The following UGT1A8 variants were observed in gnomAD, a reference collection of about 807,000 sequenced individuals.
UGT1A8 encodes the protein UDP glucuronosyltransferase family 1 member A8, also known as UDP-glucuronosyltransferase 1A8.
A neutral mutation model predicts 45.3 loss-of-function variants in UGT1A8; 39 were observed. The observed-to-expected ratio is 0.86, with a 90% CI of 0.67 to 1.12. UGT1A8 has a LOEUF of 1.12. Ranked by LOEUF, UGT1A8 falls within the 50% of genes most tolerant of loss-of-function variation. The pLI, the probability that UGT1A8 is intolerant of heterozygous loss-of-function variation, is 0.00. For synonymous variants in UGT1A8, 275 were observed against 249.2 expected, an observed-to-expected ratio of 1.10 and a Z score of -0.97; for missense variants, 719 against 664.9, an observed-to-expected ratio of 1.08 and a Z score of -0.90.
rs186005376 is a variant in UGT1A8 at position 233,690,812 on chromosome 2, C to T, written c.855+72250C>T. On this transcript the variant is annotated intron_variant, in intron 1 of 4. Coordinates refer to ENST00000373450, the MANE Select transcript of UGT1A8 (RefSeq NM_019076.5). Reference sequence around the variant, plus strand: ...ACACACACACACACCATTCTTAGTACAGTCAAAGCTCACAGGAGAAAGAAA... The same window carrying T: ...ACACACACACACACCATTCTTAGTATAGTCAAAGCTCACAGGAGAAAGAAA... 17 of 1,087,624 alleles carry T rather than the reference C, an allele frequency of 1.6e-5. No homozygotes were observed. The East Asian group carries it at 7.8e-4, about 50-fold the overall frequency. 67.4% of individuals were successfully genotyped at this position (1,087,624 alleles called of 1,614,324 possible). A position where few individuals can be genotyped will look rare whatever the true frequency, so the allele number is the denominator to read the frequency against.
At chr2:233,740,153 C>G (rs1191038998) in intron 1 of UGT1A8, among the ~76,000 whole-genome samples, 1 of 151,824 alleles carries the variant, frequency 6.6e-6, no homozygotes, top group African/African-American at 2.4e-5. Context: ...CCTGAGGCCT[C>G]CCCAGTCATG....
rs377204506 is a variant in UGT1A8 at position 233,718,901 on chromosome 2, G to C, written c.856-48133G>C. ...TCCTCAGTGTCCAGCCCTGGGCTGAGAGTGGAAAGGTGTTGGTGGTGCCCA... is the reference window on the plus strand; with the variant it reads ...TCCTCAGTGTCCAGCCCTGGGCTGACAGTGGAAAGGTGTTGGTGGTGCCCA... On this transcript the variant is annotated intron_variant, in intron 1 of 4. Transcript: ENST00000373450. 43 of 1,613,936 alleles carry C rather than the reference G, an allele frequency of 2.7e-5. No individual in the cohort carries two copies. Among genetic ancestry groups the C allele is most frequent in the Non-Finnish European group, 3.6e-5 (43 of 1,179,928 alleles).
intron 1 of UGT1A8, among the ~76,000 whole-genome samples, chr2:233,670,596 G>A (rs2074163409): frequency 6.6e-6 from 1 of 152,190 alleles, no homozygotes; most frequent in South Asian, 2.1e-4. Context: ...TGATTCAAAA[G>A]CACTCATCTC....
intron 1 of UGT1A8, among the ~76,000 whole-genome samples, chr2:233,757,479 A>G (rs1206962025): frequency 6.1e-5 from 9 of 148,148 alleles, no homozygotes; most frequent in African/African-American, 1.5e-4. Context: ...CTCCAAAACC[A>G]TGGACTGGCA....
chr2:233,744,799 C>T (rs571960868), intron 1 of UGT1A8, among the ~76,000 whole-genome samples: 2 of 151,914 alleles, frequency 1.3e-5, no homozygotes, highest in East Asian at 3.9e-4. Flanking sequence ...CTTGGGGATC[C>T]CTAGGATTTC....
chr2:233,661,683 T>TTTCTTTCTTTC (rs1559329478), intron 1 of UGT1A8, among the ~76,000 whole-genome samples: 2 of 39,388 alleles, frequency 5.1e-5, no homozygotes, highest in African/African-American at 2.4e-4. Context: ...TTCTTTCTTT[T>TTTCTTTCTTTC]TAAACAAAGG....
At chr2:233,682,492 T>A in intron 1 of UGT1A8, 1 of 1,613,970 alleles carries the variant, frequency 6.2e-7, no homozygotes, top group South Asian at 1.1e-5. Flanking sequence ...AGTGCCCTGC[T>A]CCTCTTTCCT....
chr2:233,759,624 A>G (rs1433114385), intron 1 of UGT1A8, among the ~76,000 whole-genome samples: 1 of 80,994 alleles, frequency 1.2e-5, no homozygotes, highest in Non-Finnish European at 2.2e-5. Context: ...CCACCTGTTC[A>G]TTTCCTTCTT....
chr2:233,713,283 C>G (rs764319623), intron 1 of UGT1A8: 6 of 1,614,104 alleles, frequency 3.7e-6, no homozygotes, highest in Non-Finnish European at 5.1e-6. Context: ...GGGTCACACT[C>G]AATCGTTCTT....
intron 1 of UGT1A8, chr2:233,719,437 C>T (rs1189079913): frequency 6.2e-7 from 1 of 1,613,870 alleles, no homozygotes; most frequent in East Asian, 2.2e-5. Context: ...GACCACATGA[C>T]ATTCCTGCAA....
chr2:233,697,516 A>T (rs6715829), intron 1 of UGT1A8, among the ~76,000 whole-genome samples: 54,219 of 147,148 alleles, frequency 0.37, 10,143 homozygotes, highest in African/African-American at 0.45. Flanking sequence ...TTTTTTTTTT[A>T]AAAAACTTTT....
chr2:233,757,558 A>ATATATATATATATATATATATATC (rs1553619909), intron 1 of UGT1A8, among the ~76,000 whole-genome samples: 1 of 124,446 alleles, frequency 8.0e-6, no homozygotes, highest in African/African-American at 3.3e-5. Context: ...ATATATATAT[A>ATATATATATATATATATATATATC]TATGTATATA....
intron 1 of UGT1A8, among the ~76,000 whole-genome samples, chr2:233,717,018 C>T (rs1456974682): frequency 6.6e-6 from 1 of 152,192 alleles, no homozygotes; most frequent in Admixed American, 6.5e-5. Context: ...TCTGAAGGCA[C>T]CACCATCTTC....
intron 1 of UGT1A8, among the ~76,000 whole-genome samples, chr2:233,695,536 C>CT (rs1487620347): frequency 1.3e-5 from 2 of 148,342 alleles, no homozygotes; most frequent in African/African-American, 5.0e-5. Flanking sequence ...TTTTCTTTTT[C>CT]TTTTTTAAAT....
intron 1 of UGT1A8, among the ~76,000 whole-genome samples, chr2:233,699,604 T>C (rs1376144779): frequency 6.6e-6 from 1 of 152,188 alleles, no homozygotes; most frequent in African/African-American, 2.4e-5. Flanking sequence ...GCCTGGTCTA[T>C]AGAAAGGAAT....
At chr2:233,666,066 G>A (rs1016949006) in intron 1 of UGT1A8, among the ~76,000 whole-genome samples, 1 of 152,206 alleles carries the variant, frequency 6.6e-6, no homozygotes, top group African/African-American at 2.4e-5. Flanking sequence ...ACCAGCATCC[G>A]CATCTGGCGA....
intron 1 of UGT1A8, among the ~76,000 whole-genome samples, chr2:233,723,789 T>G (rs1237220769): frequency 4.1e-5 from 2 of 49,208 alleles, no homozygotes; most frequent in Non-Finnish European, 6.9e-5. Flanking sequence ...TGCACCGCCC[T>G]TAATCCATTT....
At chr2:233,731,439 C>T (rs1335351159) in intron 1 of UGT1A8, among the ~76,000 whole-genome samples, 1 of 152,054 alleles carries the variant, frequency 6.6e-6, no homozygotes, top group Non-Finnish European at 1.5e-5. Context: ...TCCCCCAGTC[C>T]CCCACCCCAC....
At chr2:233,648,402 T>C in intron 1 of UGT1A8, 2 of 242,598 alleles carry the variant, frequency 8.2e-6, no homozygotes, top group Non-Finnish European at 1.7e-5. Flanking sequence ...TTTCCTACAG[T>C]CCTAGATATG....
Sources: gnomAD v4.1 joint callset for allele counts (sites outside exome capture counted in the v4.1 genomes callset) on GRCh38, gnomAD v4.1.1 for gene constraint, MANE v1.5 for transcripts, NCBI Gene and HGNC (gene_info 2026-07-23, HGNC 2026-07-21) for gene names.